MC2R: variants seen among roughly 807,000 people sequenced by gnomAD.
The protein encoded by MC2R is melanocortin 2 receptor.
A neutral mutation model predicts 9.8 loss-of-function variants in MC2R; 9 were observed. That is an observed-to-expected ratio of 0.92 (90% CI 0.55 to 1.60). The LOEUF is 1.60. Ranked by LOEUF, MC2R falls within the 40% of genes most tolerant of loss-of-function variation. MC2R has a pLI of 0.00. For synonymous variants in MC2R, 185 were observed against 154.7 expected (o/e 1.20, Z -1.45); for missense variants, 370 against 389.0 (o/e 0.95, Z 0.41).
chr18:13,894,291 T>G (rs1440034307), intron 1 of MC2R, among the ~76,000 whole-genome samples: 2 of 152,204 alleles, frequency 1.3e-5, no homozygotes, highest in Non-Finnish European at 2.9e-5. Flanking sequence ...AGACAGGCGA[T>G]CTTTTGGGTA....
At chr18:13,888,870 T>C (rs2045295308) in intron 1 of MC2R, among the ~76,000 whole-genome samples, 1 of 152,204 alleles carries the variant, frequency 6.6e-6, no homozygotes, top group Non-Finnish European at 1.5e-5. Flanking sequence ...GTCTTTGGCT[T>C]AAAGAACTTG....
chr18:13,894,298 G>C (rs1445994610), intron 1 of MC2R, among the ~76,000 whole-genome samples: 1 of 152,018 alleles, frequency 6.6e-6, no homozygotes, highest in East Asian at 1.9e-4. Flanking sequence ...CGATCTTTTG[G>C]GTATTACTAG....
In MC2R at chr18:13,885,624, C is replaced by T; in HGVS notation, c.-106G>A. The stretch of plus-strand genomic sequence containing the variant: ...CTTCCTTGTAGCACTTGCTGGAGAT[C>T]TAAGTTAAAATCTCCCAATCACCTA... On this transcript the variant is annotated 5_prime_UTR_variant, in exon 2 of 2. Transcript: ENST00000327606. The T allele has an allele frequency of 7.8e-7, 1 of 1,289,390 alleles. No homozygotes were observed. Among genetic ancestry groups the T allele is most frequent in the Non-Finnish European group, 1.1e-6 (1 of 903,874 alleles). The allele number at this position is 1,289,390 out of a possible 1,614,324, so 79.9% of individuals were successfully genotyped here. A position where few individuals can be genotyped will look rare whatever the true frequency, so the allele number is the denominator to read the frequency against.
At chr18:13,903,673 TG>T (rs1358498667) in intron 1 of MC2R, among the ~76,000 whole-genome samples, 1 of 152,144 alleles carries the variant, frequency 6.6e-6, no homozygotes. Flanking sequence ...TGCCAGAGGC[TG>T]GAAAGTTAGT....
At chr18:13,889,232 TTAACTCCTGG>T (rs2149136430) in intron 1 of MC2R, among the ~76,000 whole-genome samples, 1 of 152,252 alleles carries the variant, frequency 6.6e-6, no homozygotes, top group East Asian at 1.9e-4. Flanking sequence ...ACCTCTGGAG[TTAACTCCTGG>T]CCCGAAGACC....
chr18:13,884,594 C>T lies in MC2R; in HGVS notation c.*31G>A, dbSNP rs1348419961. Reference sequence around the variant, plus strand: ...ATTCTGGCACTTGGCAACGTTATTCCCATGGATTCTAAAACCAGGGATCAG... The same window carrying T: ...ATTCTGGCACTTGGCAACGTTATTCTCATGGATTCTAAAACCAGGGATCAG... On this transcript the variant is annotated 3_prime_UTR_variant, in exon 2 of 2. Coordinates refer to ENST00000327606, the MANE Select transcript of MC2R (RefSeq NM_000529.2). The T allele has an allele frequency of 2.5e-6, 4 of 1,608,390 alleles. No individual in the cohort carries two copies. Among genetic ancestry groups the T allele is most frequent in the Non-Finnish European group, 2.5e-6 (3 of 1,179,350 alleles).
chr18:13,895,661 T>G, intron 1 of MC2R, among the ~76,000 whole-genome samples: 1 of 150,720 alleles, frequency 6.6e-6, no homozygotes. Flanking sequence ...GGAAGGGGAG[T>G]GGATACAGTC....
At chr18:13,891,110 A>C (rs1320233128) in intron 1 of MC2R, among the ~76,000 whole-genome samples, 1 of 152,206 alleles carries the variant, frequency 6.6e-6, no homozygotes, top group Non-Finnish European at 1.5e-5. Context: ...ACTCTTTTCT[A>C]ATGGCAGGAA....
chr18:13,913,446 G>T (rs986695796), intron 1 of MC2R, among the ~76,000 whole-genome samples: 1 of 152,192 alleles, frequency 6.6e-6, no homozygotes, highest in African/African-American at 2.4e-5. Context: ...TGCACATGTT[G>T]TTCTCCCACC....
At chr18:13,900,407 T>C (rs1397999454) in intron 1 of MC2R, among the ~76,000 whole-genome samples, 2 of 152,012 alleles carry the variant, frequency 1.3e-5, no homozygotes, top group African/African-American at 4.8e-5. Context: ...TACTTATCAA[T>C]AATAATATTG....
chr18:13,912,682 C>T (rs1408512063), intron 1 of MC2R, among the ~76,000 whole-genome samples: 1 of 152,218 alleles, frequency 6.6e-6, no homozygotes, highest in African/African-American at 2.4e-5. Flanking sequence ...TGCTCCCGGA[C>T]CATCCCAACT....
At chr18:13,913,663 A>G (rs1335062882) in intron 1 of MC2R, among the ~76,000 whole-genome samples, 1 of 152,188 alleles carries the variant, frequency 6.6e-6, no homozygotes, top group Non-Finnish European at 1.5e-5. Context: ...GTCTGTTCAC[A>G]CGTTCTCTCT....
chr18:13,915,399 A>G (rs1485313420), intron 1 of MC2R, 89 bp downstream of exon 1: 1 of 152,656 alleles, frequency 6.6e-6, no homozygotes, highest in African/African-American at 2.4e-5. Flanking sequence ...AATTCTGAAT[A>G]GTACCTCTTC....
At chr18:13,903,987 G>T (rs985867737) in intron 1 of MC2R, among the ~76,000 whole-genome samples, 2 of 127,556 alleles carry the variant, frequency 1.6e-5, no homozygotes, top group Non-Finnish European at 3.3e-5. Context: ...TTTAAGAATT[G>T]TAGATTTTTT....
chr18:13,915,060 C>T (rs187449153), intron 1 of MC2R, among the ~76,000 whole-genome samples: 5 of 152,272 alleles, frequency 3.3e-5, no homozygotes, highest in Admixed American at 2.0e-4. Context: ...AGGAAGCTGC[C>T]GCATGCCCAC....
chr18:13,891,500 G>A (rs1054317681), intron 1 of MC2R, among the ~76,000 whole-genome samples: 1 of 152,218 alleles, frequency 6.6e-6, no homozygotes, highest in Non-Finnish European at 1.5e-5. Context: ...ATGTTGTCAG[G>A]CTGCCTTCCA....
intron 1 of MC2R, among the ~76,000 whole-genome samples, chr18:13,915,109 G>A (rs1324185356): frequency 6.6e-6 from 1 of 152,178 alleles, no homozygotes; most frequent in Admixed American, 6.5e-5. Context: ...CTTACACCTA[G>A]ACAAGCTGAT....
chr18:13,884,386 A>G lies in MC2R; in HGVS notation c.*239T>C. The G allele has an allele frequency of 1.7e-6, 1 of 582,808 alleles. No homozygotes were observed. Among genetic ancestry groups the G allele is most frequent in the Non-Finnish European group, 3.1e-6 (1 of 326,756 alleles). 36.1% of individuals were successfully genotyped at this position (582,808 alleles called of 1,614,324 possible). On this transcript the variant is annotated 3_prime_UTR_variant, in exon 2 of 2. Coordinates refer to ENST00000327606, the MANE Select transcript of MC2R (RefSeq NM_000529.2). ...CTTTTGTACCTACCTAATACTTTGTATTCTATCCTTCTTTTACTACATCGT... is the reference window on the plus strand; with the variant it reads ...CTTTTGTACCTACCTAATACTTTGTGTTCTATCCTTCTTTTACTACATCGT...
intron 1 of MC2R, among the ~76,000 whole-genome samples, chr18:13,895,078 G>T (rs1469297388): frequency 2.0e-5 from 3 of 152,172 alleles, no homozygotes; most frequent in Non-Finnish European, 2.9e-5. Flanking sequence ...TATCTTCCCG[G>T]GTAACTGAGG....
Sources: gnomAD v4.1 joint callset for allele counts (sites outside exome capture counted in the v4.1 genomes callset) on GRCh38, gnomAD v4.1.1 for gene constraint, MANE v1.5 for transcripts, NCBI Gene and HGNC (gene_info 2026-07-23, HGNC 2026-07-21) for gene names.